SLC7A1: variants seen among roughly 807,000 people sequenced by gnomAD.
The protein encoded by SLC7A1 is high affinity cationic amino acid transporter 1.
A neutral mutation model predicts 53.9 loss-of-function variants in SLC7A1; 10 were observed. The observed-to-expected ratio is 0.19, with a 90% CI of 0.11 to 0.31. The LOEUF (loss-of-function observed/expected upper bound fraction) is 0.31. Ranked by LOEUF, SLC7A1 falls within the 10% of genes least tolerant of loss-of-function variation. The pLI is 1.00. For missense variants in SLC7A1, 525 were observed against 827.2 expected, an observed-to-expected ratio of 0.63 and a Z score of 4.48; for synonymous variants, 342 against 338.7, an observed-to-expected ratio of 1.01 and a Z score of -0.11.
intron 9 of SLC7A1, among the ~76,000 whole-genome samples, 198 bp from the exon 10 acceptor site, chr13:29,517,988 C>T (rs1868436254): frequency 6.6e-6 from 1 of 152,252 alleles, no homozygotes; most frequent in African/African-American, 2.4e-5. Context: ...TTCTGGGGAA[C>T]ATCCTCCATG....
At chr13:29,576,292 TTA>T (rs1491253156) in intron 1 of SLC7A1, among the ~76,000 whole-genome samples, 10 of 107,198 alleles carry the variant, frequency 9.3e-5, no homozygotes, top group African/African-American at 2.8e-4. Context: ...ATCCTGTTTT[TTA>T]AAAAAAAAAA....
intron 5 of SLC7A1, 54 bp downstream of exon 5, chr13:29,530,484 C>T: frequency 6.6e-7 from 1 of 1,504,428 alleles, no homozygotes; most frequent in Non-Finnish European, 9.2e-7. Context: ...ATCCCCCATA[C>T]AATCTATGTC....
chr13:29,524,187 C>T lies in SLC7A1; in HGVS notation c.771G>A (p.Ser257=), dbSNP rs202146685. The T allele has an allele frequency of 9.9e-6, 16 of 1,614,078 alleles. No homozygotes were observed. In the East Asian group the frequency reaches 2.7e-4, roughly 27 times the overall value. ...FMPFGFSGVL[S]GAATCFYAFV... ...AGGCATAGAAGCAAGTCGCTGCCCCCGACAGGACACCAGAGAACCCGAAGG... is the reference window on the plus strand; with the variant it reads ...AGGCATAGAAGCAAGTCGCTGCCCCTGACAGGACACCAGAGAACCCGAAGG... Residue 257 remains serine, a synonymous_variant, in exon 6 of 13, where the codon TCG becomes TCA. Transcript: ENST00000380752.
chr13:29,573,902 G>A (rs983514756), intron 1 of SLC7A1, among the ~76,000 whole-genome samples: 2 of 152,182 alleles, frequency 1.3e-5, no homozygotes, highest in Non-Finnish European at 2.9e-5. Context: ...TCTAGCCGCA[G>A]ACCATGAACC....
chr13:29,569,458 T>C (rs1048994412), intron 1 of SLC7A1, among the ~76,000 whole-genome samples: 1 of 152,210 alleles, frequency 6.6e-6, no homozygotes, highest in African/African-American at 2.4e-5. Context: ...GGGCCCCTGA[T>C]GGCAACAGCC....
intron 2 of SLC7A1, among the ~76,000 whole-genome samples, chr13:29,539,859 C>G (rs1002105402): frequency 5.9e-5 from 9 of 152,170 alleles, no homozygotes; most frequent in African/African-American, 2.2e-4. Flanking sequence ...CTGAGAAGCC[C>G]AGGGCTGATA....
chr13:29,582,841 C>T (rs750465586), intron 1 of SLC7A1, among the ~76,000 whole-genome samples: 10 of 152,178 alleles, frequency 6.6e-5, no homozygotes, highest in Admixed American at 5.9e-4. Context: ...CACTGAGATA[C>T]GTTCCTTCTA....
intron 1 of SLC7A1, among the ~76,000 whole-genome samples, chr13:29,577,010 T>C (rs551530444): frequency 6.6e-6 from 1 of 152,368 alleles, no homozygotes; most frequent in African/African-American, 2.4e-5. Context: ...TGTCTTTTTT[T>C]AATCACCTAA....
At chr13:29,561,850 C>T (rs369838532) in intron 1 of SLC7A1, among the ~76,000 whole-genome samples, 5 of 152,298 alleles carry the variant, frequency 3.3e-5, no homozygotes, top group East Asian at 1.9e-4. Context: ...ACCATCCCAG[C>T]GGCTGTTCTG....
intron 2 of SLC7A1, among the ~76,000 whole-genome samples, chr13:29,547,597 T>C (rs1042651615): frequency 6.6e-6 from 1 of 152,224 alleles, no homozygotes; most frequent in Non-Finnish European, 1.5e-5. Context: ...AGACAGAAGA[T>C]TATGAGTGGT....
rs536413713 is a variant in SLC7A1, at chr13:29,585,317, T to C, written c.-115+10099A>G. 2.1e-4 allele frequency among the ~76,000 whole-genome samples: 32 copies of C among 152,166 alleles called. 1 individual carries two copies. In the South Asian group the frequency reaches 2.5e-3, roughly 12 times the overall value. On this transcript the variant is annotated intron_variant, in intron 1 of 12. Coordinates refer to ENST00000380752, the MANE Select transcript of SLC7A1 (RefSeq NM_003045.5). ...TGAAATTCAGGACAATGTGGTGGAGTTGCAGGTGAGGTGTGGCTCATATGT... is the reference window on the plus strand; with the variant it reads ...TGAAATTCAGGACAATGTGGTGGAGCTGCAGGTGAGGTGTGGCTCATATGT...
chr13:29,523,574 C>A, intron 6 of SLC7A1, 86 bp from the exon 7 acceptor site: 2 of 1,003,006 alleles, frequency 2.0e-6, no homozygotes, highest in South Asian at 1.4e-5. Context: ...TCTCAGTGCC[C>A]CGGAACCCAC....
Position 29,536,118 on chromosome 13 carries a change from T to A in SLC7A1, c.71A>T (p.Glu24Val). Residue 24 changes from glutamate (E) to valine (V), a missense_variant, in exon 3 of 13, where the codon GAG becomes GTG. Glu to Val is a moderately radical substitution (Grantham distance 121, BLOSUM62 -2). Around this residue, in one of 4 missense-constraint regions of SLC7A1, gnomAD observed 354 missense variants for 587.5 expected, o/e 0.60. Transcript: ENST00000380752. ...CAGGCAGCGAGACAGCCGCGTCTCC[T>A]CCCGGCTACAGTCCACCACCTTCCG... ...LRRKVVDCSR[E>V]ETRLSRCLNT... The A allele has an allele frequency of 6.2e-7, 1 of 1,613,966 alleles. No individual in the cohort carries two copies.
chr13:29,527,228 TACAC>T (rs111322670), intron 5 of SLC7A1, among the ~76,000 whole-genome samples: 307 of 151,902 alleles, frequency 2.0e-3, no homozygotes, highest in African/African-American at 6.6e-3. Context: ...ACTGGAAGCT[TACAC>T]ACACACACAC....
chr13:29,575,248 T>C (rs763423873), intron 1 of SLC7A1, among the ~76,000 whole-genome samples: 5 of 152,238 alleles, frequency 3.3e-5, no homozygotes, highest in Non-Finnish European at 7.3e-5. Context: ...ATGATTTTCT[T>C]ATTTATATAT....
At chr13:29,538,825 T>C (rs904211788) in intron 2 of SLC7A1, among the ~76,000 whole-genome samples, 3 of 152,162 alleles carry the variant, frequency 2.0e-5, no homozygotes, top group South Asian at 4.1e-4. Context: ...CGAAGTCACT[T>C]CTCAATATCC....
In SLC7A1 at chr13:29,517,576, T is replaced by A. The variant is rs778180615; in HGVS notation, c.1507A>T (p.Ile503Leu). The part of the protein sequence containing the change: ...GLIVNISTSL[I>L]AVLIITFCIV... ...CCAGGGAAGGGCTAGCTCTTACCTA[T>A]GAGGCTGGTTGAAATGTTCACAATT... The change falls in exon 10 of 13, where the codon ATA (isoleucine) becomes TTA (leucine). Residue 503 changes from isoleucine (I) to leucine (L), a missense_variant. Physicochemically the swap from Ile to Leu is conservative, Grantham distance 5 (BLOSUM62 2). Coordinates refer to ENST00000380752, the MANE Select transcript of SLC7A1 (RefSeq NM_003045.5). 7 of 1,611,916 alleles carry A rather than the reference T, an allele frequency of 4.3e-6. No individual in the cohort carries two copies. The East Asian group carries it at 1.6e-4, about 36-fold the overall frequency.
At chr13:29,569,372 C>G (rs1280915082) in intron 1 of SLC7A1, among the ~76,000 whole-genome samples, 3 of 152,164 alleles carry the variant, frequency 2.0e-5, no homozygotes, top group South Asian at 4.1e-4. Context: ...AACCCCCTGC[C>G]CTGCCTTTGT....
intron 7 of SLC7A1, 24 bp from the exon 8 acceptor site, chr13:29,522,480 G>GT (rs1868673935): frequency 6.2e-7 from 1 of 1,613,714 alleles, no homozygotes; most frequent in South Asian, 1.1e-5. Context: ...GGCAAACCGC[G>GT]TGAGTGAACC....
Sources: gnomAD v4.1 joint callset for allele counts (sites outside exome capture counted in the v4.1 genomes callset) on GRCh38, gnomAD v4.1.1 for gene constraint, gnomAD v4.1.1 regional missense constraint, MANE v1.5 for transcripts, NCBI Gene and HGNC (gene_info 2026-07-23, HGNC 2026-07-21) for gene names.